Variants in ARHGAP29 observed in about 807,000 individuals in gnomAD.
ARHGAP29 encodes rho GTPase-activating protein 29.
Under a neutral mutation model 122.6 loss-of-function variants are expected in ARHGAP29, and 43 were observed. The ratio of observed to expected loss-of-function variants is 0.35; its 90% CI spans 0.27 to 0.45. The LOEUF (loss-of-function observed/expected upper bound fraction) is 0.45. ARHGAP29 is among the 20% of genes least tolerant of loss of function. ARHGAP29 has a pLI of 1.00. For synonymous variants in ARHGAP29, 506 were observed against 497.1 expected (o/e 1.02, Z -0.24); for missense variants, 1,303 against 1,477.2 (o/e 0.88, Z 1.93).
intron 1 of ARHGAP29, among the ~76,000 whole-genome samples, chr1:94,267,789 G>A (rs1654828278): frequency 6.6e-6 from 1 of 151,624 alleles, no homozygotes; most frequent in African/African-American, 2.4e-5. Context: ...CATTACTTGA[G>A]ATCACTATAT....
the ARHGAP29 span, among the ~76,000 whole-genome samples, chr1:94,281,811 C>A: frequency 7.2e-5 from 11 of 152,204 alleles, no homozygotes; most frequent in African/African-American, 2.6e-4. Context: ...GTAATAAGTG[C>A]AGTTTTGGCA....
chr1:94,197,038 A>T (rs906186860), intron 12 of ARHGAP29, among the ~76,000 whole-genome samples: 7 of 152,152 alleles, frequency 4.6e-5, no homozygotes, highest in African/African-American at 1.4e-4. Context: ...GAAATCAGTA[A>T]AATTAAGAAA....
chr1:94,256,715 C>T (rs536998045), intron 1 of ARHGAP29, among the ~76,000 whole-genome samples: 13 of 150,834 alleles, frequency 8.6e-5, no homozygotes, highest in African/African-American at 3.2e-4. Flanking sequence ...CCCACTACCA[C>T]GCCCGGCTAA....
rs1648934705 is a variant in ARHGAP29, at chr1:94,174,162, T to C, written c.3493A>G (p.Thr1165Ala). 6.2e-7 allele frequency: 1 copy of C among 1,614,142 alleles called. No individual in the cohort carries two copies. Among genetic ancestry groups the C allele is most frequent in the Non-Finnish European group, 8.5e-7 (1 of 1,180,008 alleles). ...PRTLQPQHWT[T>A]FYKPHAPIIS... ...ATGGGAGCATGTGGTTTATAAAATG[T>C]TGTCCAATGTTGAGGCTGCAGTGTT... The change falls in exon 23 of 23, where the codon ACA becomes GCA. Residue 1165 changes from threonine (T) to alanine (A), a missense_variant. Thr to Ala is a moderately conservative substitution (Grantham distance 58, BLOSUM62 0). This residue lies in a region of ARHGAP29 where 620 missense variants were observed against 651.2 expected (regional missense o/e 0.95). Transcript: ENST00000260526.
intron 8 of ARHGAP29, among the ~76,000 whole-genome samples, chr1:94,203,661 G>C (rs911370768): frequency 6.6e-6 from 1 of 152,090 alleles, no homozygotes; most frequent in South Asian, 2.1e-4. Flanking sequence ...TTGAGCCTCG[G>C]GGGACAGAGG....
chr1:94,262,005 A>G (rs192373458), intron 1 of ARHGAP29, among the ~76,000 whole-genome samples: 1 of 152,338 alleles, frequency 6.6e-6, no homozygotes, highest in African/African-American at 2.4e-5. Flanking sequence ...TTCAAACTAT[A>G]CTACAGGGCT....
At chr1:94,303,712 C>T in the ARHGAP29 span, among the ~76,000 whole-genome samples, 9 of 152,254 alleles carry the variant, frequency 5.9e-5, no homozygotes, top group East Asian at 1.5e-3. Flanking sequence ...AACAGCCCTA[C>T]AGATATTATT....
intron 3 of ARHGAP29, among the ~76,000 whole-genome samples, chr1:94,216,783 C>T (rs757697030): frequency 6.6e-6 from 1 of 151,798 alleles, no homozygotes; most frequent in Non-Finnish European, 1.5e-5. Context: ...ATAATGAAAA[C>T]AAATAGTACA....
intron 5 of ARHGAP29, among the ~76,000 whole-genome samples, chr1:94,207,993 T>C (rs932617345): frequency 2.6e-5 from 4 of 152,092 alleles, no homozygotes; most frequent in Non-Finnish European, 5.9e-5. Context: ...TACAGACTTG[T>C]GCCACCACAT....
rs1244787359 is a variant in ARHGAP29 at position 94,202,558 on chromosome 1, C to A, written c.1129G>T (p.Glu377Ter). The change falls in exon 11 of 23, where the codon GAG becomes TAG. Residue 377 changes from glutamate (E) to a stop codon, truncating the protein, a stop_gained. Transcript: ENST00000260526. LOFTEE classifies it high-confidence loss of function. ...QLEKKRRLEE[E>*]ALQKVEEANE... ...AAGATCGTTACTTTTTGGAGAGCCT[C>A]CTCTTCCAACCTTCGCTTTTTTTCT... The A allele has an allele frequency of 6.2e-7, 1 of 1,613,984 alleles. No individual in the cohort carries two copies.
intron 1 of ARHGAP29, among the ~76,000 whole-genome samples, chr1:94,250,176 C>A (rs1654026151): frequency 6.6e-6 from 1 of 152,076 alleles, no homozygotes; most frequent in Non-Finnish European, 1.5e-5. Context: ...AGGTGGGAGC[C>A]CAGCCCCACA....
At chr1:94,222,280 T>C (rs549831848) in intron 2 of ARHGAP29, among the ~76,000 whole-genome samples, 4 of 152,318 alleles carry the variant, frequency 2.6e-5, no homozygotes, top group East Asian at 3.9e-4. Flanking sequence ...CTCTTACATA[T>C]GACCTATGCA....
upstream of ARHGAP29, among the ~76,000 whole-genome samples, chr1:94,277,127 G>A (rs1272822235): frequency 6.6e-6 from 1 of 152,180 alleles, no homozygotes; most frequent in African/African-American, 2.4e-5. Context: ...ATTGGCTGTG[G>A]AGCAGAGTGC....
chr1:94,220,575 T>C (rs1204632975), intron 2 of ARHGAP29, among the ~76,000 whole-genome samples, 183 bp from the exon 3 acceptor site: 1 of 152,160 alleles, frequency 6.6e-6, no homozygotes, highest in African/African-American at 2.4e-5. Flanking sequence ...AGAAAATCCT[T>C]AGTCATTTTA....
chr1:94,188,971 G>C, intron 14 of ARHGAP29, 30 bp from the exon 15 acceptor site: 1 of 1,591,050 alleles, frequency 6.3e-7, no homozygotes, highest in Non-Finnish European at 8.6e-7. Context: ...GTCAAAACTT[G>C]GCTACAGGTA....
the ARHGAP29 span, among the ~76,000 whole-genome samples, chr1:94,299,414 G>A: frequency 6.6e-6 from 1 of 152,262 alleles, no homozygotes; most frequent in Non-Finnish European, 1.5e-5. Context: ...CATTTGTTTA[G>A]TGGATTATGT....
chr1:94,264,399 A>G (rs996430011), intron 1 of ARHGAP29, among the ~76,000 whole-genome samples: 25 of 152,142 alleles, frequency 1.6e-4, no homozygotes, highest in African/African-American at 6.0e-4. Flanking sequence ...TGGGAAGAAC[A>G]TCAACAGCCC....
intron 2 of ARHGAP29, among the ~76,000 whole-genome samples, chr1:94,224,432 A>G (rs114675496): frequency 0.014 from 2,078 of 152,332 alleles, 57 homozygotes; most frequent in African/African-American, 0.048. Context: ...AACCATCAAC[A>G]TTCAAAATTA....
At chr1:94,312,811 A>T in the ARHGAP29 span, among the ~76,000 whole-genome samples, 2 of 151,458 alleles carry the variant, frequency 1.3e-5, no homozygotes, top group Non-Finnish European at 2.9e-5. Flanking sequence ...CTTCAATCTC[A>T]GTGACTACCC....
Sources: gnomAD v4.1 joint callset for allele counts (sites outside exome capture counted in the v4.1 genomes callset) on GRCh38, gnomAD v4.1.1 for gene constraint, gnomAD v4.1.1 regional missense constraint, MANE v1.5 for transcripts, NCBI Gene and HGNC (gene_info 2026-07-23, HGNC 2026-07-21) for gene names.